SDK1: variants seen among roughly 807,000 people sequenced by gnomAD.
The protein encoded by SDK1 is protein sidekick-1.
A neutral mutation model predicts 245.5 loss-of-function variants in SDK1; 157 were observed. That is an observed-to-expected ratio of 0.64 (90% CI 0.56 to 0.73). The LOEUF (loss-of-function observed/expected upper bound fraction) is 0.73. Among genes scored for constraint, SDK1 ranks in the 30% least tolerant of loss-of-function variants. The pLI is 0.00. For missense variants in SDK1, 3,583 were observed against 3,002.3 expected (o/e 1.19, Z -4.52); for synonymous variants, 1,647 against 1,278.5 (o/e 1.29, Z -6.15).
At chr7:3,537,985 C>G (rs1778936758) in intron 1 of SDK1, among the ~76,000 whole-genome samples, 1 of 152,216 alleles carries the variant, frequency 6.6e-6, no homozygotes, top group Admixed American at 6.5e-5. Context: ...ACCTAGTTTG[C>G]ATGTGGGGAA....
chr7:3,648,792 A>G (rs1458645021), intron 4 of SDK1, among the ~76,000 whole-genome samples: 1 of 152,232 alleles, frequency 6.6e-6, no homozygotes, highest in African/African-American at 2.4e-5. Context: ...CATATTTGGT[A>G]TAAGTAAAAC....
rs141508281 is a variant in SDK1, at chr7:3,907,527, A to G, written c.848-43396A>G. ...TATCCACTTGCCCGTTCATGTACAT[A>G]TAGGTTGTTTCTGCCTATTGGCTCT... On this transcript the variant is annotated intron_variant, in intron 5 of 44. Coordinates refer to ENST00000404826, the MANE Select transcript of SDK1 (RefSeq NM_152744.4). Among the ~76,000 whole-genome samples the G allele has an allele frequency of 2.3e-3, 350 of 152,284 alleles. 2 individuals carry two copies. Among genetic ancestry groups the G allele is most frequent in the African/African-American group, 8.0e-3 (331 of 41,554 alleles).
chr7:3,570,362 G>A (rs573604954), intron 1 of SDK1, among the ~76,000 whole-genome samples: 1 of 152,228 alleles, frequency 6.6e-6, no homozygotes, highest in Non-Finnish European at 1.5e-5. Context: ...ATCAAACGCC[G>A]CCTCTGACCT....
At chr7:3,353,145 C>G (rs1476896539) in intron 1 of SDK1, among the ~76,000 whole-genome samples, 10 of 151,968 alleles carry the variant, frequency 6.6e-5, no homozygotes, top group Non-Finnish European at 2.9e-5. Context: ...TCATTGTTCC[C>G]TTTTCTGAGT....
At chr7:4,058,455 C>T (rs565889782) in intron 19 of SDK1, among the ~76,000 whole-genome samples, 1 of 152,190 alleles carries the variant, frequency 6.6e-6, no homozygotes, top group South Asian at 2.1e-4. Context: ...GGCTGAAACC[C>T]AAGTCTAGCA....
At chr7:3,824,110 G>C (rs888980825) in intron 5 of SDK1, among the ~76,000 whole-genome samples, 14 of 152,074 alleles carry the variant, frequency 9.2e-5, no homozygotes, top group East Asian at 3.9e-4. Context: ...TGCAGTTCAG[G>C]ACCTGGCCAC....
At chr7:3,659,357 A>G (rs1330066567) in intron 4 of SDK1, among the ~76,000 whole-genome samples, 1 of 152,174 alleles carries the variant, frequency 6.6e-6, no homozygotes, top group Non-Finnish European at 1.5e-5. Context: ...GCAAAAACCA[A>G]ACACATAAAG....
chr7:3,719,918 A>G (rs1185178365), intron 4 of SDK1, among the ~76,000 whole-genome samples: 1 of 151,970 alleles, frequency 6.6e-6, no homozygotes, highest in Non-Finnish European at 1.5e-5. Flanking sequence ...CGGAAGTTGC[A>G]GTGAGCCGAG....
chr7:3,592,146 G>C (rs1464378072), intron 1 of SDK1, among the ~76,000 whole-genome samples: 3 of 152,186 alleles, frequency 2.0e-5, no homozygotes. Context: ...GAATTTCTTA[G>C]TGTTTGACTG....
At chr7:3,890,204 C>A (rs545889070) in intron 5 of SDK1, among the ~76,000 whole-genome samples, 1 of 152,230 alleles carries the variant, frequency 6.6e-6, no homozygotes, top group Non-Finnish European at 1.5e-5. Flanking sequence ...TCACCTGTGG[C>A]CTTTCTAGTC....
intron 44 of SDK1, among the ~76,000 whole-genome samples, chr7:4,247,363 G>A (rs1389519454): frequency 6.6e-6 from 1 of 152,220 alleles, no homozygotes; most frequent in Non-Finnish European, 1.5e-5. Context: ...ATAGCCTTGG[G>A]CTTGGCAGAA....
rs200872134 is a variant in SDK1 at position 3,638,797 on chromosome 7, T to TA, written c.459-196dup. 8.3e-5 allele frequency among the ~76,000 whole-genome samples: 12 copies of TA among 144,374 alleles called. No individual in the cohort carries two copies. The East Asian group carries it at 2.0e-3, about 24-fold the overall frequency. 94.7% of individuals were successfully genotyped at this position (144,374 alleles called of 152,430 possible). A position where few individuals can be genotyped will look rare whatever the true frequency, so the allele number is the denominator to read the frequency against. On this transcript the variant is annotated intron_variant, in intron 2 of 44. Transcript: ENST00000404826. Reference sequence around the variant, plus strand: ...CTTAAAGTATAATAATAATAAAATTTAAAAAAAAAAAGAAATAAATGGTGG... The same window carrying TA: ...CTTAAAGTATAATAATAATAAAATTTAAAAAAAAAAAAGAAATAAATGGTGG...
intron 1 of SDK1, among the ~76,000 whole-genome samples, chr7:3,573,756 A>G (rs939543127): frequency 6.6e-6 from 1 of 152,158 alleles, no homozygotes; most frequent in South Asian, 2.1e-4. Context: ...TGATGTGGCC[A>G]CATAACATTG....
At chr7:3,699,291 A>G (rs945532312) in intron 4 of SDK1, among the ~76,000 whole-genome samples, 1 of 152,212 alleles carries the variant, frequency 6.6e-6, no homozygotes, top group Non-Finnish European at 1.5e-5. Flanking sequence ...ACCCACAACA[A>G]GATGATACAG....
At chr7:4,245,892 ATTT>A in intron 44 of SDK1, 87 bp downstream of exon 44, 2 of 1,512,880 alleles carry the variant, frequency 1.3e-6, no homozygotes, top group East Asian at 2.3e-5. Flanking sequence ...GTCTTGTCCT[ATTT>A]GAGTCTCATA....
intron 5 of SDK1, among the ~76,000 whole-genome samples, chr7:3,840,821 G>C (rs1332317176): frequency 6.6e-6 from 1 of 152,206 alleles, no homozygotes; most frequent in Non-Finnish European, 1.5e-5. Flanking sequence ...AAAAGTCTTA[G>C]GACCCATGCC....
intron 22 of SDK1, among the ~76,000 whole-genome samples, chr7:4,096,931 A>G (rs959811135): frequency 2.6e-5 from 4 of 152,206 alleles, no homozygotes; most frequent in Non-Finnish European, 5.9e-5. Context: ...CCTGGGCTCA[A>G]ACACCCACAG....
chr7:4,138,072 G>A (rs1010408327), intron 28 of SDK1, among the ~76,000 whole-genome samples: 6 of 152,226 alleles, frequency 3.9e-5, no homozygotes, highest in African/African-American at 1.4e-4. Flanking sequence ...CAAATAATAG[G>A]AAGGTACAAA....
rs116937536 is a variant in SDK1, at chr7:3,550,371, C to A, written c.299-68709C>A. ...GTCTCCAGATGAATTAATATACTCA[C>A]AATCAACATACTGTGGCACGAGTAA... is the stretch of plus-strand genomic sequence containing the variant. On this transcript the variant is annotated intron_variant, in intron 1 of 44. Transcript: ENST00000404826. Among the ~76,000 whole-genome samples the A allele has an allele frequency of 6.5e-3, 995 of 152,274 alleles. 7 individuals are homozygous for A. The highest frequency in any genetic ancestry group is 0.01 in the Middle Eastern group (3 of 294).
Sources: gnomAD v4.1 joint callset for allele counts (sites outside exome capture counted in the v4.1 genomes callset) on GRCh38, gnomAD v4.1.1 for gene constraint, MANE v1.5 for transcripts, NCBI Gene and HGNC (gene_info 2026-07-23, HGNC 2026-07-21) for gene names.